TENM3: variants seen among roughly 807,000 people sequenced by gnomAD.
The protein encoded by TENM3 is teneurin transmembrane protein 3.
TENM3 carries 63 observed loss-of-function variants against 255.1 expected under a neutral mutation model. That is an observed-to-expected ratio of 0.25 (90% CI 0.20 to 0.30). TENM3 has a LOEUF of 0.30. Among genes scored for constraint, TENM3 ranks in the 10% least tolerant of loss-of-function variants. The pLI is 1.00. For synonymous variants in TENM3, 1,306 were observed against 1,322.3 expected, an observed-to-expected ratio of 0.99 and a Z score of 0.27; for missense variants, 2,929 against 3,461.1, an observed-to-expected ratio of 0.85 and a Z score of 3.86.
chr4:182,621,098 G>A (rs1244992856), intron 4 of TENM3, among the ~76,000 whole-genome samples: 4 of 151,690 alleles, frequency 2.6e-5, no homozygotes, highest in Non-Finnish European at 4.4e-5. Context: ...GGAGAATGGC[G>A]TGAACTCAGG....
At chr4:182,265,181 TGA>T (rs1360205242) in intron 1 of TENM3, among the ~76,000 whole-genome samples, 1 of 152,190 alleles carries the variant, frequency 6.6e-6, no homozygotes, top group Non-Finnish European at 1.5e-5. Context: ...CTGACGTTTT[TGA>T]GTTTTGGGGG....
intron 1 of TENM3, among the ~76,000 whole-genome samples, chr4:182,288,508 TAA>T (rs981752785): frequency 6.6e-6 from 1 of 152,206 alleles, no homozygotes; most frequent in African/African-American, 2.4e-5. Flanking sequence ...ACCCAGAATC[TAA>T]AAATGTGTCT....
At chr4:182,005,451 A>G in the TENM3 span, among the ~76,000 whole-genome samples, 1 of 152,194 alleles carries the variant, frequency 6.6e-6, no homozygotes, top group African/African-American at 2.4e-5. Context: ...TACCAGTACC[A>G]TACTGTTTTG....
At chr4:182,193,410 G>T (rs185662759) in intron 1 of TENM3, among the ~76,000 whole-genome samples, 99 of 152,232 alleles carry the variant, frequency 6.5e-4, no homozygotes, top group African/African-American at 2.0e-3. Flanking sequence ...ATAGGTACAA[G>T]ACTGCGAGCC....
the TENM3 span, among the ~76,000 whole-genome samples, chr4:181,625,792 C>G: frequency 2.7e-5 from 4 of 149,918 alleles, no homozygotes; most frequent in African/African-American, 9.9e-5. Flanking sequence ...CCAGCCTGGG[C>G]GACAGAGCAA....
At chr4:182,232,106 C>T (rs916008444) in intron 1 of TENM3, among the ~76,000 whole-genome samples, 2 of 152,240 alleles carry the variant, frequency 1.3e-5, no homozygotes, top group South Asian at 4.1e-4. Context: ...GTTTTGAGGT[C>T]TTTGGAAAAA....
At chr4:181,949,544 C>T in the TENM3 span, among the ~76,000 whole-genome samples, 8 of 152,286 alleles carry the variant, frequency 5.3e-5, no homozygotes, top group African/African-American at 1.9e-4. Context: ...GCACCTCTAC[C>T]ACCCTGGCCC....
intron 18 of TENM3, among the ~76,000 whole-genome samples, chr4:182,739,097 A>C (rs972429868): frequency 2.6e-5 from 4 of 152,118 alleles, no homozygotes; most frequent in African/African-American, 9.7e-5. Flanking sequence ...CTGCCACTCA[A>C]ATGGGGTCAC....
the TENM3 span, among the ~76,000 whole-genome samples, chr4:182,133,598 A>G: frequency 2.0e-5 from 3 of 152,226 alleles, no homozygotes; most frequent in East Asian, 5.8e-4. Context: ...AACTATTAAA[A>G]TACATAGAAA....
At position 182,792,394 on chromosome 4, in the gene TENM3, A is replaced by T. The variant is rs775844707; in HGVS notation, c.5722A>T (p.Ile1908Phe). ...ARHTMQTIRS[I>F]GYYRNIYNPP... ...CCACACCATGCAGACCATCCGATCC[A>T]TTGGCTACTACCGCAACATATACAA... The change falls in exon 26 of 28, where the codon ATT becomes TTT. Residue 1908 changes from isoleucine (I) to phenylalanine (F), a missense_variant. By Grantham distance (21) the Ile-to-Phe change is conservative. Around this residue, in one of 6 missense-constraint regions of TENM3, gnomAD observed 303 missense variants for 425.2 expected, o/e 0.71. Coordinates refer to ENST00000511685, the MANE Select transcript of TENM3 (RefSeq NM_001080477.4). This position sits in a 1 kb window ranked among gnomAD's most constrained non-coding sequence, Gnocchi z 6.3. 4 of 1,614,052 alleles carry T rather than the reference A, an allele frequency of 2.5e-6. No homozygotes were observed. Among genetic ancestry groups the T allele is most frequent in the Middle Eastern group, 3.3e-4 (2 of 6,062 alleles).
At chr4:182,227,429 T>C (rs1432740183) in intron 1 of TENM3, among the ~76,000 whole-genome samples, 1 of 150,752 alleles carries the variant, frequency 6.6e-6, no homozygotes, top group Non-Finnish European at 1.5e-5. Flanking sequence ...TATTGGCCAG[T>C]GTCCACTGTC....
In TENM3 at chr4:182,550,636, G is replaced by A. The variant is rs534422310; in HGVS notation, c.512-50288G>A. Among the ~76,000 whole-genome samples, 8 of 152,252 alleles carry A rather than the reference G, an allele frequency of 5.3e-5. No individual in the cohort carries two copies. The East Asian group carries it at 1.4e-3, about 26-fold the overall frequency. ...TCTGGGTGTTCATCACTAGAGACAA[G>A]TTATTAATGCTTCTAACACCAGGGA... is the stretch of plus-strand genomic sequence containing the variant. On this transcript the variant is annotated intron_variant, in intron 3 of 27. Coordinates refer to ENST00000511685, the MANE Select transcript of TENM3 (RefSeq NM_001080477.4).
the TENM3 span, among the ~76,000 whole-genome samples, chr4:181,487,066 G>A: frequency 6.6e-6 from 1 of 152,220 alleles, no homozygotes; most frequent in African/African-American, 2.4e-5. Flanking sequence ...CATAAATGAT[G>A]CGCATACCAT....
At chr4:181,955,384 T>C in the TENM3 span, among the ~76,000 whole-genome samples, 1 of 152,136 alleles carries the variant, frequency 6.6e-6, no homozygotes, top group Admixed American at 6.5e-5. Context: ...TGCTCAAGCC[T>C]CCCTGAAGAA....
At chr4:182,428,970 G>A (rs1771430708) in intron 3 of TENM3, among the ~76,000 whole-genome samples, 1 of 152,050 alleles carries the variant, frequency 6.6e-6, no homozygotes, top group Non-Finnish European at 1.5e-5. Context: ...GACATACAGG[G>A]GGAAAGGTCC....
chr4:181,826,451 A>G, the TENM3 span, among the ~76,000 whole-genome samples: 1 of 152,174 alleles, frequency 6.6e-6, no homozygotes, highest in South Asian at 2.1e-4. Flanking sequence ...TTCTGGATTG[A>G]CAGCTCCACT....
chr4:181,501,361 T>C, the TENM3 span, among the ~76,000 whole-genome samples: 1 of 151,850 alleles, frequency 6.6e-6, no homozygotes, highest in African/African-American at 2.4e-5. Flanking sequence ...GATTGGGTTT[T>C]TTTCTTTTTT....
the TENM3 span, among the ~76,000 whole-genome samples, chr4:182,032,684 G>A: frequency 6.6e-6 from 1 of 152,086 alleles, no homozygotes; most frequent in African/African-American, 2.4e-5. Context: ...TCTGGTCCTG[G>A]ATTTTTATGG....
At chr4:181,923,764 A>G in the TENM3 span, among the ~76,000 whole-genome samples, 11 of 152,174 alleles carry the variant, frequency 7.2e-5, no homozygotes, top group African/African-American at 2.7e-4. Context: ...CAATACAGCG[A>G]GGAAGTAGAT....
Sources: allele counts gnomAD v4.1 joint callset (sites outside exome capture counted in the v4.1 genomes callset), GRCh38; gene constraint gnomAD v4.1.1; regional missense constraint gnomAD v4.1.1; non-coding constraint Gnocchi (gnomAD v3.1); transcripts MANE v1.5; gene names NCBI Gene and HGNC (gene_info 2026-07-23, HGNC 2026-07-21).